The following PCCB variants were observed in gnomAD, a reference collection of about 807,000 sequenced individuals.
The protein encoded by PCCB is propionyl-CoA carboxylase beta chain, mitochondrial.
PCCB carries 43 observed loss-of-function variants against 60.7 expected under a neutral mutation model. The observed-to-expected ratio is 0.71, with a 90% CI of 0.55 to 0.91. PCCB has a LOEUF of 0.91. PCCB is among the 40% of genes least tolerant of loss of function. PCCB has a pLI of 0.00. For missense variants in PCCB, 766 were observed against 702.8 expected (o/e 1.09, Z -1.02); for synonymous variants, 276 against 255.9 (o/e 1.08, Z -0.75).
chr3:136,259,194 C>T (rs1215775188), intron 3 of PCCB: 2 of 1,445,426 alleles, frequency 1.4e-6, no homozygotes, highest in African/African-American at 2.9e-5. Flanking sequence ...AGGCTGGGCA[C>T]AGTGGCTCCC....
intron 5 of PCCB, among the ~76,000 whole-genome samples, chr3:136,268,644 A>G (rs918899085): frequency 1.3e-5 from 2 of 151,814 alleles, no homozygotes; most frequent in African/African-American, 4.8e-5. Context: ...TTGTATTTTT[A>G]GTGGAGATAG....
At chr3:136,270,841 G>C (rs1335009571) in intron 5 of PCCB, among the ~76,000 whole-genome samples, 4 of 152,122 alleles carry the variant, frequency 2.6e-5, no homozygotes, top group Non-Finnish European at 5.9e-5. Flanking sequence ...GTTTTTGTAG[G>C]AGTAAGGTGG....
At chr3:136,259,610 A>G (rs1439154951) in intron 3 of PCCB, among the ~76,000 whole-genome samples, 3 of 152,198 alleles carry the variant, frequency 2.0e-5, no homozygotes, top group Non-Finnish European at 4.4e-5. Flanking sequence ...TTTTCCTTTC[A>G]AATCATTTTT....
chr3:136,256,322 G>T, intron 2 of PCCB: 1 of 587,264 alleles, frequency 1.7e-6, no homozygotes, highest in Non-Finnish European at 3.0e-6. Flanking sequence ...GCTTTTAGGA[G>T]GGTACATAAG....
chr3:136,327,706 G>A lies in PCCB; in HGVS notation c.1372G>A (p.Ala458Thr), dbSNP rs542389615. Residue 458 changes from alanine to threonine, a missense_variant, in exon 13 of 15, where the codon GCA becomes ACA. Physicochemically the swap from Ala to Thr is moderately conservative, Grantham distance 58. Transcript: ENST00000251654. Reference sequence around the variant, plus strand: ...TGATACCAACTATGCCTGGCCCACCGCAGAGATTGCAGTCATGGGAGCAAA... The same window carrying A: ...TGATACCAACTATGCCTGGCCCACCACAGAGATTGCAGTCATGGGAGCAAA... ...CGDTNYAWPTAEIAVMGAKGA... is the reference protein window; with the variant it reads ...CGDTNYAWPTTEIAVMGAKGA... 5.4e-5 allele frequency: 87 copies of A among 1,613,808 alleles called. 1 individual carries two copies. In the South Asian group the frequency reaches 6.5e-4, roughly 12 times the overall value.
At chr3:136,255,309 AGGGG>A in intron 1 of PCCB, 3 of 173,080 alleles carry the variant, frequency 1.7e-5, no homozygotes, top group Admixed American at 5.6e-5. Flanking sequence ...GTCCCTAAAC[AGGGG>A]ATAGGATAGT....
At chr3:136,269,148 G>T (rs1942118510) in intron 5 of PCCB, among the ~76,000 whole-genome samples, 1 of 152,104 alleles carries the variant, frequency 6.6e-6, no homozygotes, top group African/African-American at 2.4e-5. Context: ...AGGTGTTGTG[G>T]TGCATGCCTG....
Position 136,301,316 on chromosome 3 carries a change from G to A in PCCB, c.966+205G>A, listed in dbSNP as rs3732521. Among the ~76,000 whole-genome samples the A allele has an allele frequency of 0.011, 1,726 of 152,208 alleles. 28 individuals carry two copies. Among genetic ancestry groups the A allele is most frequent in the East Asian group, 0.047 (242 of 5,182 alleles). Reference sequence around the variant, plus strand: ...CTATAGATACCCTAGTGGCACAGATGGACTTGAGGGCTGGAGATAGGAGTA... The same window carrying A: ...CTATAGATACCCTAGTGGCACAGATAGACTTGAGGGCTGGAGATAGGAGTA... On this transcript the variant is annotated intron_variant, in intron 9 of 14. Transcript: ENST00000251654.
rs1393100608 is a variant in PCCB, at chr3:136,306,454, G to A, written c.966+5343G>A. 4.1e-5 allele frequency among the ~76,000 whole-genome samples: 5 copies of A among 121,256 alleles called. 1 individual carries two copies. The highest frequency in any genetic ancestry group is 1.3e-4 in the African/African-American group (5 of 39,914). 79.5% of individuals were successfully genotyped at this position (121,256 alleles called of 152,430 possible). The stretch of plus-strand genomic sequence containing the variant: ...TGTATTTCAATGAAAATTTAATAAG[G>A]AACATTAAAGAAAAGTAGATAAATA... On this transcript the variant is annotated intron_variant, in intron 9 of 14. Coordinates refer to ENST00000251654, the MANE Select transcript of PCCB (RefSeq NM_000532.5).
intron 5 of PCCB, among the ~76,000 whole-genome samples, chr3:136,280,473 G>C (rs1034046360): frequency 6.6e-6 from 1 of 152,048 alleles, no homozygotes; most frequent in African/African-American, 2.4e-5. Flanking sequence ...AGCCTCCTGA[G>C]TAGCTGGGGC....
intron 14 of PCCB, among the ~76,000 whole-genome samples, chr3:136,329,336 C>G (rs1576362245): frequency 6.6e-6 from 1 of 152,162 alleles, no homozygotes; most frequent in East Asian, 1.9e-4. Flanking sequence ...AGACTCACTC[C>G]CCACGTGGCC....
At chr3:136,256,048 A>C in intron 2 of PCCB, 73 bp downstream of exon 2, 3 of 1,608,038 alleles carry the variant, frequency 1.9e-6, no homozygotes, top group Non-Finnish European at 2.6e-6. Context: ...AATAATAATA[A>C]ATCTATAAGG....
chr3:136,259,125 G>C, intron 3 of PCCB: 1 of 1,438,298 alleles, frequency 7.0e-7, no homozygotes, highest in African/African-American at 1.4e-5. Context: ...ATAAGCAGAA[G>C]AAGCAGTGAG....
intron 5 of PCCB, among the ~76,000 whole-genome samples, chr3:136,270,508 T>A (rs1435859519): frequency 6.6e-6 from 1 of 152,026 alleles, no homozygotes; most frequent in Non-Finnish European, 1.5e-5. Flanking sequence ...TTTTGACATT[T>A]TTTTTTTTCC....
intron 5 of PCCB, among the ~76,000 whole-genome samples, chr3:136,264,921 C>T (rs1392263811): frequency 4.4e-5 from 6 of 135,150 alleles, no homozygotes; most frequent in African/African-American, 1.7e-4. Flanking sequence ...TAGGGCCGGG[C>T]ACGGTGGCTC....
At chr3:136,260,030 G>A (rs1392091441) in intron 3 of PCCB, 1 of 267,374 alleles carries the variant, frequency 3.7e-6, no homozygotes, top group Non-Finnish European at 7.2e-6. Flanking sequence ...GGGATTACAG[G>A]TGCGAGCCAC....
chr3:136,308,921 C>T (rs904410599), intron 9 of PCCB, among the ~76,000 whole-genome samples: 5 of 151,968 alleles, frequency 3.3e-5, no homozygotes, highest in African/African-American at 4.8e-5. Context: ...ATGTTTAAAA[C>T]GATGAACAGA....
In PCCB at chr3:136,268,564, A is replaced by G. The variant is rs193043450; in HGVS notation, c.543+6499A>G. Among the ~76,000 whole-genome samples the G allele has an allele frequency of 1.2e-3, 176 of 151,796 alleles. 1 individual carries two copies. The highest frequency in any genetic ancestry group is 4.1e-3 in the African/African-American group (168 of 41,382). ...CTGCAACCTCCACCTCCTGGGTTCA[A>G]GCGATTCTCCTGCCTCAGCCTCCCG... On this transcript the variant is annotated intron_variant, in intron 5 of 14. Coordinates refer to ENST00000251654, the MANE Select transcript of PCCB (RefSeq NM_000532.5).
At chr3:136,297,267 C>T (rs1385524585) in intron 7 of PCCB, among the ~76,000 whole-genome samples, 1 of 152,068 alleles carries the variant, frequency 6.6e-6, no homozygotes, top group East Asian at 1.9e-4. Flanking sequence ...CACGATCTGA[C>T]TTAAAAAGCT....
Sources: gnomAD v4.1 joint callset for allele counts (sites outside exome capture counted in the v4.1 genomes callset) on GRCh38, gnomAD v4.1.1 for gene constraint, MANE v1.5 for transcripts, NCBI Gene and HGNC (gene_info 2026-07-23, HGNC 2026-07-21) for gene names.